GALNTL6: variants seen among roughly 807,000 people sequenced by gnomAD.
GALNTL6 encodes the protein polypeptide N-acetylgalactosaminyltransferase-like 6.
Under a neutral mutation model 73.7 loss-of-function variants are expected in GALNTL6, and 46 were observed. That is an observed-to-expected ratio of 0.62 (90% CI 0.49 to 0.80). The LOEUF (loss-of-function observed/expected upper bound fraction) is 0.80, where lower values mean the gene tolerates loss of function less well. Ranked by LOEUF, GALNTL6 falls within the 30% of genes least tolerant of loss-of-function variation. The probability of loss-of-function intolerance (pLI) is 0.00; values close to 1 mark genes in which losing one functional copy is unlikely to be tolerated. For synonymous variants in GALNTL6, 259 were observed against 263.7 expected (o/e 0.98, Z 0.17); for missense variants, 604 against 755.0 (o/e 0.80, Z 2.34).
intron 4 of GALNTL6, among the ~76,000 whole-genome samples, chr4:172,316,783 T>C (rs1393383896): frequency 6.6e-6 from 1 of 152,206 alleles, no homozygotes. Context: ...AGTATTATAC[T>C]CAAGACTGAA....
intron 5 of GALNTL6, among the ~76,000 whole-genome samples, chr4:172,741,937 C>T (rs898443408): frequency 1.3e-4 from 20 of 151,610 alleles, no homozygotes; most frequent in African/African-American, 4.8e-4. Context: ...GTTTAGCTGA[C>T]AATCCTATAT....
intron 10 of GALNTL6, among the ~76,000 whole-genome samples, chr4:172,981,494 C>T (rs1579739570): frequency 6.6e-6 from 1 of 152,016 alleles, no homozygotes; most frequent in East Asian, 1.9e-4. Flanking sequence ...ATTTATTGAA[C>T]ATTTGTATTT....
chr4:171,871,334 T>C (rs1285033596), intron 2 of GALNTL6, among the ~76,000 whole-genome samples: 3 of 152,210 alleles, frequency 2.0e-5, no homozygotes, highest in Non-Finnish European at 4.4e-5. Context: ...TATACTATTA[T>C]AAAAGTTATG....
At chr4:172,127,464 A>G (rs1455037689) in intron 2 of GALNTL6, among the ~76,000 whole-genome samples, 1 of 152,240 alleles carries the variant, frequency 6.6e-6, no homozygotes, top group Non-Finnish European at 1.5e-5. Context: ...ACACCAGCAC[A>G]GACCACTTGG....
intron 5 of GALNTL6, among the ~76,000 whole-genome samples, chr4:172,768,355 A>G (rs2099606): frequency 0.029 from 4,472 of 152,292 alleles, 93 homozygotes; most frequent in Middle Eastern, 0.044. Context: ...CCACAGTGAT[A>G]CCAGTGGGGT....
intron 2 of GALNTL6, among the ~76,000 whole-genome samples, chr4:172,049,606 C>T (rs1368439973): frequency 6.6e-6 from 1 of 152,148 alleles, no homozygotes; most frequent in African/African-American, 2.4e-5. Flanking sequence ...TTCTATTTTA[C>T]GTGGCTTCTC....
chr4:172,242,514 C>T (rs1737473679), intron 3 of GALNTL6, among the ~76,000 whole-genome samples: 1 of 152,100 alleles, frequency 6.6e-6, no homozygotes, highest in Non-Finnish European at 1.5e-5. Flanking sequence ...TTTTAAAAAG[C>T]TGGTTTCAAC....
At chr4:172,279,393 G>T (rs1044392448) in intron 3 of GALNTL6, among the ~76,000 whole-genome samples, 1 of 151,336 alleles carries the variant, frequency 6.6e-6, no homozygotes, top group Admixed American at 6.6e-5. Context: ...AGTTAAAAAT[G>T]AATAAATGAC....
intron 5 of GALNTL6, among the ~76,000 whole-genome samples, chr4:172,607,042 G>A (rs1446671639): frequency 2.6e-5 from 4 of 151,802 alleles, no homozygotes; most frequent in Non-Finnish European, 4.4e-5. Context: ...AAAGAGGAAC[G>A]TCATGAGTAG....
intron 5 of GALNTL6, among the ~76,000 whole-genome samples, chr4:172,724,028 C>T (rs1735652558): frequency 6.6e-6 from 1 of 152,178 alleles, no homozygotes; most frequent in East Asian, 1.9e-4. Context: ...GTCAGGAAAC[C>T]ATGTGAAACA....
intron 2 of GALNTL6, among the ~76,000 whole-genome samples, chr4:171,934,027 G>A (rs1029744522): frequency 1.3e-5 from 2 of 152,028 alleles, no homozygotes; most frequent in African/African-American, 2.4e-5. Context: ...AAAGTTTTTG[G>A]CTTCATTAAC....
rs116970227 is a variant in GALNTL6, at chr4:172,854,902, G to A, written c.924-27888G>A. On this transcript the variant is annotated intron_variant, in intron 7 of 12. Coordinates refer to ENST00000506823, the MANE Select transcript of GALNTL6 (RefSeq NM_001034845.3). ...TCAGAATACCAGGACAGATCCTGCT[G>A]TAAGTAGTAGGTGGTAAAATAACAG... Among the ~76,000 whole-genome samples, 345 of 152,282 alleles carry A rather than the reference G, an allele frequency of 2.3e-3. 10 individuals are homozygous for A. The East Asian group carries it at 0.035, about 15-fold the overall frequency.
At chr4:172,297,795 A>T (rs1053900891) in intron 3 of GALNTL6, among the ~76,000 whole-genome samples, 4 of 152,116 alleles carry the variant, frequency 2.6e-5, no homozygotes, top group African/African-American at 7.2e-5. Context: ...TGATGCCTCC[A>T]GCTTTGTTCT....
At chr4:172,297,455 C>T (rs1739727815) in intron 3 of GALNTL6, among the ~76,000 whole-genome samples, 1 of 152,018 alleles carries the variant, frequency 6.6e-6, no homozygotes, top group African/African-American at 2.4e-5. Flanking sequence ...AATGGTATTG[C>T]CTAGGTTTTC....
chr4:172,227,620 T>TAA (rs1242044248), intron 2 of GALNTL6, among the ~76,000 whole-genome samples: 1 of 152,134 alleles, frequency 6.6e-6, no homozygotes, highest in East Asian at 1.9e-4. Flanking sequence ...TTCCGTGCCA[T>TAA]AAAAAAATAC....
At chr4:172,338,920 G>A (rs1411135278) in intron 4 of GALNTL6, among the ~76,000 whole-genome samples, 1 of 152,146 alleles carries the variant, frequency 6.6e-6, no homozygotes, top group Non-Finnish European at 1.5e-5. Flanking sequence ...CCTAATCCAG[G>A]AGAGTGGATG....
intron 5 of GALNTL6, among the ~76,000 whole-genome samples, chr4:172,791,993 AGGAT>A (rs1740019337): frequency 6.6e-6 from 1 of 152,204 alleles, no homozygotes; most frequent in Non-Finnish European, 1.5e-5. Context: ...TATTAGTCTA[AGGAT>A]CTCACTGCCT....
chr4:172,327,021 TAAAA>T (rs1740966534), intron 4 of GALNTL6, among the ~76,000 whole-genome samples: 1 of 152,076 alleles, frequency 6.6e-6, no homozygotes, highest in Non-Finnish European at 1.5e-5. Flanking sequence ...ATTATAAGCC[TAAAA>T]ATATAATACT....
At chr4:172,390,280 T>G (rs2111301176) in intron 5 of GALNTL6, among the ~76,000 whole-genome samples, 1 of 152,296 alleles carries the variant, frequency 6.6e-6, no homozygotes, top group Non-Finnish European at 1.5e-5. Flanking sequence ...CATGGATTGT[T>G]TATGAAATAG....
Sources: gnomAD v4.1 joint callset for allele counts (sites outside exome capture counted in the v4.1 genomes callset) on GRCh38, gnomAD v4.1.1 for gene constraint, MANE v1.5 for transcripts, NCBI Gene and HGNC (gene_info 2026-07-23, HGNC 2026-07-21) for gene names.